The following EIPR1 variants were observed in gnomAD, a reference collection of about 807,000 sequenced individuals.
The protein encoded by EIPR1 is EARP complex and GARP complex interacting protein 1.
EIPR1 carries 25 observed loss-of-function variants against 48.1 expected under a neutral mutation model. The ratio of observed to expected loss-of-function variants is 0.52; its 90% CI spans 0.38 to 0.73. The LOEUF is 0.73. Ranked by LOEUF, EIPR1 falls within the 30% of genes least tolerant of loss-of-function variation. EIPR1 has a pLI of 0.00. For missense variants in EIPR1, 415 were observed against 506.2 expected, an observed-to-expected ratio of 0.82 and a Z score of 1.73; for synonymous variants, 204 against 201.9, an observed-to-expected ratio of 1.01 and a Z score of -0.09.
chr2:3,351,739 A>T (rs1217991544), intron 2 of EIPR1, among the ~76,000 whole-genome samples: 4 of 152,214 alleles, frequency 2.6e-5, no homozygotes, highest in Non-Finnish European at 5.9e-5. Flanking sequence ...AAAACAAAAC[A>T]TTAGAAAGAA....
chr2:3,253,019 C>T (rs1667049101), intron 4 of EIPR1, among the ~76,000 whole-genome samples: 1 of 152,216 alleles, frequency 6.6e-6, no homozygotes, highest in African/African-American at 2.4e-5. Context: ...GTGCCTCATT[C>T]TACCTCTCTG....
At chr2:3,349,545 G>C (rs557305820) in intron 2 of EIPR1, among the ~76,000 whole-genome samples, 1 of 152,352 alleles carries the variant, frequency 6.6e-6, no homozygotes, top group Non-Finnish European at 1.5e-5. Flanking sequence ...TGGGAGACCA[G>C]GACAGGGAGG....
At chr2:3,305,433 TC>T (rs1668910969) in intron 3 of EIPR1, among the ~76,000 whole-genome samples, 1 of 143,098 alleles carries the variant, frequency 7.0e-6, no homozygotes, top group African/African-American at 2.7e-5. Flanking sequence ...AACCTTCCAC[TC>T]CCGTCCTGTT....
intron 5 of EIPR1, among the ~76,000 whole-genome samples, chr2:3,200,067 C>T (rs1664973731): frequency 6.6e-6 from 1 of 151,998 alleles, no homozygotes; most frequent in South Asian, 2.1e-4. Flanking sequence ...TGAGGTGGCA[C>T]CTGGGGCCTC....
At chr2:3,243,862 T>G (rs914067315) in intron 4 of EIPR1, among the ~76,000 whole-genome samples, 3 of 152,186 alleles carry the variant, frequency 2.0e-5, no homozygotes, top group African/African-American at 7.2e-5. Flanking sequence ...GGCTCTGCTG[T>G]GACGTCCAGG....
rs1664515185 is a variant in EIPR1 at position 3,189,270 on chromosome 2, A to C, written c.*64T>G. 2 of 1,435,324 alleles carry C rather than the reference A, an allele frequency of 1.4e-6. No individual in the cohort carries two copies. Among genetic ancestry groups the C allele is most frequent in the Non-Finnish European group, 1.9e-6 (2 of 1,076,216 alleles). The allele number at this position is 1,435,324 out of a possible 1,614,324, so 88.9% of individuals were successfully genotyped here. A position where few individuals can be genotyped will look rare whatever the true frequency, so the allele number is the denominator to read the frequency against. The stretch of plus-strand genomic sequence containing the variant: ...CACGAGTCACCTCCAAAGAGCTGCG[A>C]CTGTTTGAGAATCTGCCAAGAGGAA... On this transcript the variant is annotated 3_prime_UTR_variant, in exon 9 of 9. Transcript: ENST00000382125. The surrounding 1 kb of genome is among the most constrained non-coding windows in gnomAD (Gnocchi z 4.6).
chr2:3,270,864 T>C (rs1401068647), intron 3 of EIPR1, among the ~76,000 whole-genome samples: 2 of 152,340 alleles, frequency 1.3e-5, no homozygotes, highest in African/African-American at 4.8e-5. Flanking sequence ...TTGACTCTTC[T>C]TTTCATGAAA....
chr2:3,189,358 G>A lies in EIPR1; in HGVS notation c.1140C>T (p.Ala380=), dbSNP rs749902899. 8 of 1,597,500 alleles carry A rather than the reference G, an allele frequency of 5.0e-6. No individual in the cohort carries two copies. The highest frequency in any genetic ancestry group is 5.1e-6 in the Non-Finnish European group (6 of 1,169,138). ...GRLVINRVPR[A]LKYHILL is the part of the protein sequence containing the mutation. ...GTCATAGCAGGATGTGGTACTTCAG[G>A]GCCCTGGGCACCCTGTTGATCACGA... Residue 380 remains alanine, a synonymous_variant, in exon 9 of 9, where the codon GCC becomes GCT. Coordinates refer to ENST00000382125, the MANE Select transcript of EIPR1 (RefSeq NM_003310.5). This position sits in a 1 kb window ranked among gnomAD's most constrained non-coding sequence, Gnocchi z 4.6.
At chr2:3,246,682 A>G (rs1666804587) in intron 4 of EIPR1, among the ~76,000 whole-genome samples, 1 of 151,830 alleles carries the variant, frequency 6.6e-6, no homozygotes, top group South Asian at 2.1e-4. Flanking sequence ...AGCCTTGCTC[A>G]GCTCCAGCCC....
intron 3 of EIPR1, among the ~76,000 whole-genome samples, chr2:3,277,919 G>A (rs1667905952): frequency 6.6e-6 from 1 of 152,300 alleles, no homozygotes; most frequent in Admixed American, 6.5e-5. Context: ...TCCTCGGCCC[G>A]TCCCTGCGTT....
At chr2:3,279,247 TCTGA>T (rs1365720464) in intron 3 of EIPR1, among the ~76,000 whole-genome samples, 1 of 152,250 alleles carries the variant, frequency 6.6e-6, no homozygotes, top group Non-Finnish European at 1.5e-5. Context: ...CTGATGATTT[TCTGA>T]CTGATGTAAT....
intron 1 of EIPR1, among the ~76,000 whole-genome samples, chr2:3,363,936 G>C (rs1670912419): frequency 6.6e-6 from 1 of 151,948 alleles, no homozygotes; most frequent in South Asian, 2.1e-4. Flanking sequence ...AACTGTCAGA[G>C]AAATGCAAAT....
chr2:3,210,336 G>C (rs866276851), intron 5 of EIPR1, among the ~76,000 whole-genome samples: 1 of 152,142 alleles, frequency 6.6e-6, no homozygotes, highest in Non-Finnish European at 1.5e-5. Flanking sequence ...CAGGGTGAAC[G>C]CATCTCCCAC....
intron 5 of EIPR1, among the ~76,000 whole-genome samples, chr2:3,204,982 C>T (rs868235455): frequency 2.4e-4 from 36 of 152,204 alleles, no homozygotes; most frequent in African/African-American, 8.0e-4. Context: ...ACTACATGCA[C>T]GCTGACCAAT....
chr2:3,194,697 G>GCA (rs1553277870), intron 6 of EIPR1, among the ~76,000 whole-genome samples: 3 of 113,236 alleles, frequency 2.6e-5, no homozygotes, highest in African/African-American at 7.1e-5. Flanking sequence ...GAGAGAGAAA[G>GCA]GGGGGGGCAG....
intron 2 of EIPR1, among the ~76,000 whole-genome samples, chr2:3,348,038 C>T (rs1205380685): frequency 6.6e-6 from 1 of 152,172 alleles, no homozygotes; most frequent in African/African-American, 2.4e-5. Flanking sequence ...CCTGGTGATT[C>T]TGAGCACAGG....
At chr2:3,274,476 C>T in intron 3 of EIPR1, 1 of 1,532,358 alleles carries the variant, frequency 6.5e-7, no homozygotes, top group South Asian at 1.2e-5. Context: ...AAAATAAAGG[C>T]ATGTTAAGGT....
chr2:3,307,019 G>A (rs1253746741), intron 3 of EIPR1, among the ~76,000 whole-genome samples: 2 of 151,614 alleles, frequency 1.3e-5, no homozygotes, highest in Non-Finnish European at 2.9e-5. Context: ...CCAGGCTGGA[G>A]TGGCGTGATC....
In EIPR1 at chr2:3,361,995, G is replaced by A. The variant is rs114832575; in HGVS notation, c.43-7362C>T. Among the ~76,000 whole-genome samples the A allele has an allele frequency of 3.7e-3, 557 of 152,252 alleles. 3 individuals carry two copies. The highest frequency in any genetic ancestry group is 0.013 in the African/African-American group (531 of 41,516). ...TTTCTCATCCACACCTTCCTCTTTGGCATGCTCCCTTTTCTGTAAGTTAGG... is the reference window on the plus strand; with the variant it reads ...TTTCTCATCCACACCTTCCTCTTTGACATGCTCCCTTTTCTGTAAGTTAGG... On this transcript the variant is annotated intron_variant, in intron 1 of 8. Transcript: ENST00000382125.
Sources: gnomAD v4.1 joint callset for allele counts (sites outside exome capture counted in the v4.1 genomes callset) on GRCh38, gnomAD v4.1.1 for gene constraint, Gnocchi (gnomAD v3.1) non-coding constraint, MANE v1.5 for transcripts, NCBI Gene and HGNC (gene_info 2026-07-23, HGNC 2026-07-21) for gene names.